RARB: variants seen among roughly 807,000 people sequenced by gnomAD.
RARB encodes the protein retinoic acid receptor beta.
RARB carries 17 observed loss-of-function variants against 51.9 expected under a neutral mutation model. That is an observed-to-expected ratio of 0.33 (90% confidence interval 0.22 to 0.49). RARB has a LOEUF of 0.49. Ranked by LOEUF, RARB falls within the 20% of genes least tolerant of loss-of-function variation. RARB has a pLI of 0.99. For missense variants in RARB, 369 were observed against 550.8 expected, an observed-to-expected ratio of 0.67 and a Z score of 3.30; for synonymous variants, 215 against 195.4, an observed-to-expected ratio of 1.10 and a Z score of -0.84.
chr3:24,865,159 G>A (rs1702823627), intron 2 of RARB, among the ~76,000 whole-genome samples: 1 of 152,072 alleles, frequency 6.6e-6, no homozygotes, highest in African/African-American at 2.4e-5. Context: ...CCTAATAAAA[G>A]GTTGAGGACC....
intron 1 of RARB, among the ~76,000 whole-genome samples, chr3:24,839,375 T>G (rs917652086): frequency 1.3e-5 from 2 of 152,052 alleles, no homozygotes; most frequent in Non-Finnish European, 2.9e-5. Flanking sequence ...GGGATAAGGA[T>G]AAATTGTGAT....
rs190219484 is a variant in RARB, at chr3:25,055,634, G to T, written c.-379-4491G>T. On this transcript the variant is annotated intron_variant, in intron 2 of 11. Coordinates refer to the RARB transcript ENST00000383772. ...TCTTGTGATGAAGATTGGGGGAAAA[G>T]TTATTAGGAGGAATTGGGGAGGAGT... Among the ~76,000 whole-genome samples, 221 of 152,192 alleles carry T rather than the reference G, an allele frequency of 1.5e-3. 5 individuals are homozygous for T. Among genetic ancestry groups the T allele is most frequent in the Non-Finnish European group, 2.8e-4 (19 of 67,988 alleles).
At position 25,035,421 on chromosome 3, in the gene RARB, CTTT is replaced by C. The variant is rs140970899; in HGVS notation, c.-379-24680_-379-24678del. Among the ~76,000 whole-genome samples the C allele has an allele frequency of 2.8e-3, 335 of 121,586 alleles. 7 individuals are homozygous for C. Among genetic ancestry groups the C allele is most frequent in the African/African-American group, 0.01 (294 of 28,432 alleles). 79.8% of individuals were successfully genotyped at this position (121,586 alleles called of 152,430 possible). On this transcript the variant is annotated intron_variant, in intron 2 of 11. Transcript: ENST00000383772. Reference sequence around the variant, plus strand: ...ACAGTTGTGAGCCGCTGCGTCCAGCCTTTTTTTTTTTTTTTTTTTTTTTTTTCT... The same window carrying C: ...ACAGTTGTGAGCCGCTGCGTCCAGCCTTTTTTTTTTTTTTTTTTTTTTTCT...
At chr3:25,172,133 G>C (rs1466866899) in intron 4 of RARB, among the ~76,000 whole-genome samples, 1 of 152,170 alleles carries the variant, frequency 6.6e-6, no homozygotes, top group African/African-American at 2.4e-5. Context: ...TGGTCTCACT[G>C]TTGACACTGT....
chr3:25,245,799 G>T (rs972714223), intron 5 of RARB, among the ~76,000 whole-genome samples: 2 of 151,842 alleles, frequency 1.3e-5, no homozygotes, highest in Admixed American at 6.6e-5. Flanking sequence ...TGCTCTTCTC[G>T]AGGAGATACT....
upstream of RARB, among the ~76,000 whole-genome samples, chr3:25,425,223 G>T (rs777237194): frequency 3.9e-5 from 6 of 152,172 alleles, no homozygotes; most frequent in Middle Eastern, 3.4e-3. Flanking sequence ...CGGACAAATC[G>T]GTCTATTTTT....
At chr3:25,500,005 T>C (rs187239104) in intron 2 of RARB, among the ~76,000 whole-genome samples, 1 of 152,218 alleles carries the variant, frequency 6.6e-6, no homozygotes, top group African/African-American at 2.4e-5. Context: ...CAAACAAAGT[T>C]ATATTTCCTG....
chr3:25,356,537 T>G (rs1460929629), intron 5 of RARB, among the ~76,000 whole-genome samples: 2 of 152,094 alleles, frequency 1.3e-5, no homozygotes, highest in African/African-American at 2.4e-5. Flanking sequence ...TATTATACTT[T>G]AAGTTCTGGG....
At chr3:25,595,022 C>T (rs570026672) in intron 7 of RARB, among the ~76,000 whole-genome samples, 3 of 152,324 alleles carry the variant, frequency 2.0e-5, no homozygotes, top group African/African-American at 7.2e-5. Flanking sequence ...GTTACCTTGA[C>T]TCCAGTTTTT....
At chr3:25,408,032 A>G (rs1254508740) in intron 5 of RARB, among the ~76,000 whole-genome samples, 1 of 152,018 alleles carries the variant, frequency 6.6e-6, no homozygotes, top group African/African-American at 2.4e-5. Flanking sequence ...TTCCCCACTG[A>G]CCTATCACTT....
chr3:24,874,209 TG>T (rs1305006311), intron 2 of RARB, among the ~76,000 whole-genome samples: 2 of 152,036 alleles, frequency 1.3e-5, no homozygotes, highest in Non-Finnish European at 2.9e-5. Context: ...TAGAACAATA[TG>T]GTACTACTGA....
chr3:25,236,507 T>C (rs1419436374), intron 5 of RARB, among the ~76,000 whole-genome samples: 1 of 152,018 alleles, frequency 6.6e-6, no homozygotes, highest in Non-Finnish European at 1.5e-5. Flanking sequence ...AATAAAGTTA[T>C]CTTACTAGTA....
chr3:25,235,407 G>A (rs964564086), intron 5 of RARB, among the ~76,000 whole-genome samples: 4 of 152,020 alleles, frequency 2.6e-5, no homozygotes, highest in African/African-American at 4.8e-5. Flanking sequence ...TCAGAATTTG[G>A]GGGATATTTG....
At chr3:25,258,000 A>G (rs2125405336) in intron 5 of RARB, among the ~76,000 whole-genome samples, 1 of 152,262 alleles carries the variant, frequency 6.6e-6, no homozygotes, top group East Asian at 1.9e-4. Flanking sequence ...CTTACGTTGT[A>G]ATGATCCATT....
At chr3:25,189,297 T>G (rs1701044937) in intron 5 of RARB, among the ~76,000 whole-genome samples, 1 of 152,000 alleles carries the variant, frequency 6.6e-6, no homozygotes, top group Non-Finnish European at 1.5e-5. Flanking sequence ...AATATTAGAG[T>G]GTCAAGATAA....
chr3:24,989,013 A>G (rs1302596093), intron 2 of RARB, among the ~76,000 whole-genome samples: 1 of 152,020 alleles, frequency 6.6e-6, no homozygotes, highest in Non-Finnish European at 1.5e-5. Flanking sequence ...TTTATTAGAG[A>G]CAGGGTTTCA....
intron 2 of RARB, among the ~76,000 whole-genome samples, chr3:24,937,590 G>A (rs1037489798): frequency 1.3e-5 from 2 of 152,148 alleles, no homozygotes; most frequent in African/African-American, 4.8e-5. Context: ...AAGCAAAGCA[G>A]TAGCGTGCGA....
At chr3:25,543,835 G>A (rs1181982385) in intron 3 of RARB, among the ~76,000 whole-genome samples, 1 of 152,188 alleles carries the variant, frequency 6.6e-6, no homozygotes, top group African/African-American at 2.4e-5. Context: ...TCAATGAAGA[G>A]CAAGAACCAA....
intron 2 of RARB, among the ~76,000 whole-genome samples, chr3:24,902,509 G>A (rs1703629429): frequency 6.6e-6 from 1 of 152,016 alleles, no homozygotes; most frequent in South Asian, 2.1e-4. Flanking sequence ...TGTTCTGTTG[G>A]GGACAACGTG....
Sources: allele counts gnomAD v4.1 joint callset (sites outside exome capture counted in the v4.1 genomes callset), GRCh38; gene constraint gnomAD v4.1.1; transcripts MANE v1.5; gene names NCBI Gene and HGNC (gene_info 2026-07-23, HGNC 2026-07-21).